Variants in ITGB3 observed in about 807,000 individuals in gnomAD.
ITGB3 encodes integrin beta-3.
A neutral mutation model predicts 85.8 loss-of-function variants in ITGB3; 48 were observed. That is an observed-to-expected ratio of 0.56 (90% CI 0.44 to 0.71). The LOEUF is 0.71. Ranked by LOEUF, ITGB3 falls within the 30% of genes least tolerant of loss-of-function variation. The pLI is 0.00. For missense variants in ITGB3, 861 were observed against 1,019.1 expected (o/e 0.84, Z 2.11); for synonymous variants, 363 against 395.6 (o/e 0.92, Z 0.98).
intron 3 of ITGB3, among the ~76,000 whole-genome samples, 168 bp from the exon 4 acceptor site, chr17:47,284,275 G>C (rs1346427604): frequency 6.6e-6 from 1 of 152,086 alleles, no homozygotes; most frequent in African/African-American, 2.4e-5. Flanking sequence ...AAAAATAGGA[G>C]GGTCAAGAGA....
Position 47,301,874 on chromosome 17 carries a change from C to T in ITGB3, c.2015-847C>T, listed in dbSNP as rs116689096. On this transcript the variant is annotated intron_variant, in intron 12 of 14. Transcript: ENST00000559488. ...TGGCAAATTAAGATAAGAACTAGGT[C>T]CTGAAATCCGTACTCTTTTCCCTGT... Among the ~76,000 whole-genome samples the T allele has an allele frequency of 3.2e-3, 482 of 152,174 alleles. 1 individual carries two copies. Among genetic ancestry groups the T allele is most frequent in the African/African-American group, 0.011 (462 of 41,526 alleles).
intron 6 of ITGB3, 115 bp downstream of exon 6, chr17:47,287,346 G>T: frequency 8.1e-7 from 1 of 1,231,614 alleles, no homozygotes; most frequent in South Asian, 1.2e-5. Flanking sequence ...GCAGGGTGCA[G>T]GGCTCGGTTC....
rs1317497258 is a variant in ITGB3, at chr17:47,299,575, G to A, written c.1913+45G>A. 2 of 1,558,408 alleles carry A rather than the reference G, an allele frequency of 1.3e-6. No homozygotes were observed. The highest frequency in any genetic ancestry group is 2.2e-5 in the South Asian group (2 of 89,172). ...AGAGCCGGGAGGCTGGGAGGTAGGA[G>A]AGGATCCCCTGACTAGAATCCCCAG... On this transcript the variant is annotated intron_variant, in intron 11 of 14. Coordinates refer to ENST00000559488, the MANE Select transcript of ITGB3 (RefSeq NM_000212.3). This position sits in a 1 kb window ranked among gnomAD's most constrained non-coding sequence, Gnocchi z 5.1.
intron 1 of ITGB3, among the ~76,000 whole-genome samples, chr17:47,259,791 C>T (rs2065002883): frequency 6.6e-6 from 1 of 151,984 alleles, no homozygotes; most frequent in African/African-American, 2.4e-5. Flanking sequence ...CCCAGCTACT[C>T]GGGAGGCTGA....
chr17:47,287,965 G>A (rs547626149), intron 6 of ITGB3, among the ~76,000 whole-genome samples: 3 of 100,490 alleles, frequency 3.0e-5, no homozygotes, highest in East Asian at 6.6e-4. Flanking sequence ...TTGCTTTGTT[G>A]CCCAGCTGGA....
intron 5 of ITGB3, 136 bp from the exon 6 acceptor site, chr17:47,286,934 T>G: frequency 1.2e-6 from 1 of 816,578 alleles, no homozygotes; most frequent in Non-Finnish European, 2.0e-6. Flanking sequence ...GGACTGGGAC[T>G]GAGACCCTTG....
In ITGB3 at chr17:47,299,917, G is replaced by A. The variant is rs538842758; in HGVS notation, c.1913+387G>A. Among the ~76,000 whole-genome samples the A allele has an allele frequency of 0.017, 2,655 of 152,246 alleles. 69 individuals carry two copies. The highest frequency in any genetic ancestry group is 0.061 in the African/African-American group (2,539 of 41,522). On this transcript the variant is annotated intron_variant, in intron 11 of 14. Coordinates refer to ENST00000559488, the MANE Select transcript of ITGB3 (RefSeq NM_000212.3). This position sits in a 1 kb window ranked among gnomAD's most constrained non-coding sequence, Gnocchi z 5.1. Reference sequence around the variant, plus strand: ...ACTACTACAAACCTCCCACTTTAGGGGCCAGAGGAAGCCCCATCAGCCTGA... The same window carrying A: ...ACTACTACAAACCTCCCACTTTAGGAGCCAGAGGAAGCCCCATCAGCCTGA...
intron 1 of ITGB3, among the ~76,000 whole-genome samples, chr17:47,259,594 A>G (rs1370187633): frequency 6.6e-6 from 1 of 152,202 alleles, no homozygotes; most frequent in African/African-American, 2.4e-5. Flanking sequence ...AAAAAAGTCA[A>G]AATAACAAAT....
chr17:47,295,228 G>A (rs1375080890), intron 10 of ITGB3, among the ~76,000 whole-genome samples: 1 of 152,144 alleles, frequency 6.6e-6, no homozygotes, highest in African/African-American at 2.4e-5. Context: ...CTGGGGACAG[G>A]GTAGGCCTGG....
At chr17:47,256,475 C>T (rs2064990397) in intron 1 of ITGB3, among the ~76,000 whole-genome samples, 1 of 95,346 alleles carries the variant, frequency 1.0e-5, no homozygotes, top group Non-Finnish European at 2.4e-5. Context: ...AGAGTAATAC[C>T]CCCCCCCCCA....
intron 9 of ITGB3, among the ~76,000 whole-genome samples, chr17:47,291,682 T>C (rs1003326352): frequency 6.6e-6 from 1 of 152,218 alleles, no homozygotes; most frequent in African/African-American, 2.4e-5. Context: ...TGAAACATGC[T>C]TTATTGCATA....
intron 1 of ITGB3, among the ~76,000 whole-genome samples, chr17:47,267,499 T>C (rs1469890040): frequency 6.6e-6 from 1 of 152,198 alleles, no homozygotes; most frequent in African/African-American, 2.4e-5. Context: ...AGTCAGTCAC[T>C]TTTAACCACT....
At chr17:47,302,063 A>G (rs2065169271) in intron 12 of ITGB3, among the ~76,000 whole-genome samples, 1 of 152,122 alleles carries the variant, frequency 6.6e-6, no homozygotes, top group South Asian at 2.1e-4. Context: ...TTTCATCAGT[A>G]TGGGGCACAG....
chr17:47,287,331 T>C, intron 6 of ITGB3, 100 bp downstream of exon 6: 1 of 1,402,920 alleles, frequency 7.1e-7, no homozygotes, highest in Non-Finnish European at 1.0e-6. Flanking sequence ...AGCCCCTCCT[T>C]CTGGGCAGGG....
At position 47,307,577 on chromosome 17, in the gene ITGB3, C is replaced by A; in HGVS notation, c.2241C>A (p.Ile747=). The change falls in exon 14 of 15, where the codon ATC becomes ATA. Residue 747 remains isoleucine (I), a synonymous_variant. Transcript: ENST00000559488. The part of the protein sequence containing the change: ...ALLIWKLLIT[I]HDRKEFAKFE... Reference sequence around the variant, plus strand: ...TCATCTGGAAACTCCTCATCACCATCCACGACCGAAAAGAATTCGCTAAAT... The same window carrying A: ...TCATCTGGAAACTCCTCATCACCATACACGACCGAAAAGAATTCGCTAAAT... The A allele has an allele frequency of 1.9e-6, 3 of 1,614,202 alleles. No homozygotes were observed. In the South Asian group the frequency reaches 3.3e-5, roughly 18 times the overall value.
chr17:47,293,930 G>A (rs1323438593), intron 10 of ITGB3, among the ~76,000 whole-genome samples: 1 of 152,164 alleles, frequency 6.6e-6, no homozygotes, highest in African/African-American at 2.4e-5. Flanking sequence ...AATCAGTTGA[G>A]CTAATCCATG....
In ITGB3 at chr17:47,292,472, T is replaced by C. The variant is rs1397448267; in HGVS notation, c.1594T>C (p.Cys532Arg). Residue 532 changes from cysteine (C) to arginine (R), a missense_variant, in exon 10 of 15, where the codon TGT becomes CGT. Cys to Arg is a radical substitution (Grantham distance 180, BLOSUM62 -3). Transcript: ENST00000559488. Reference sequence around the variant, plus strand: ...GCGGGGCGAGTGCCTCTGTGGTCAATGTGTCTGCCACAGCAGTGACTTTGG... The same window carrying C: ...GCGGGGCGAGTGCCTCTGTGGTCAACGTGTCTGCCACAGCAGTGACTTTGG... ...SQRGECLCGQ[C>R]VCHSSDFGKI... The C allele has an allele frequency of 6.2e-7, 1 of 1,610,238 alleles. No homozygotes were observed. The highest frequency in any genetic ancestry group is 8.5e-7 in the Non-Finnish European group (1 of 1,178,100).
chr17:47,272,507 G>A (rs2065048042), intron 1 of ITGB3, among the ~76,000 whole-genome samples: 1 of 151,986 alleles, frequency 6.6e-6, no homozygotes, highest in South Asian at 2.1e-4. Flanking sequence ...TACTCTTACA[G>A]TATTGTAAAA....
intron 1 of ITGB3, among the ~76,000 whole-genome samples, chr17:47,269,482 A>G (rs1018015782): frequency 6.6e-6 from 1 of 152,220 alleles, no homozygotes; most frequent in Non-Finnish European, 1.5e-5. Context: ...GGGCAGGGGC[A>G]AAATGCTGCC....
Sources: gnomAD v4.1 joint callset for allele counts (sites outside exome capture counted in the v4.1 genomes callset) on GRCh38, gnomAD v4.1.1 for gene constraint, Gnocchi (gnomAD v3.1) non-coding constraint, MANE v1.5 for transcripts, NCBI Gene and HGNC (gene_info 2026-07-23, HGNC 2026-07-21) for gene names.